Variants in ASAP1 observed in about 807,000 individuals in gnomAD.
ASAP1 encodes ArfGAP with SH3 domain, ankyrin repeat and PH domain 1.
Under a neutral mutation model 145.2 loss-of-function variants are expected in ASAP1, and 43 were observed. That is an observed-to-expected ratio of 0.30 (90% confidence interval 0.23 to 0.38). The LOEUF (loss-of-function observed/expected upper bound fraction) is 0.38. ASAP1 is among the 10% of genes least tolerant of loss of function. ASAP1 has a pLI of 1.00. For synonymous variants in ASAP1, 546 were observed against 515.5 expected (o/e 1.06, Z -0.80); for missense variants, 1,018 against 1,355.3 (o/e 0.75, Z 3.91).
chr8:130,091,503 C>T (rs35713491), intron 25 of ASAP1, among the ~76,000 whole-genome samples: 34,172 of 152,052 alleles, frequency 0.22, 4,168 homozygotes, highest in South Asian at 0.36. Context: ...GATAAGAGCC[C>T]GATCATGCAG....
chr8:130,235,273 T>C (rs1441917871), intron 4 of ASAP1, among the ~76,000 whole-genome samples: 1 of 152,136 alleles, frequency 6.6e-6, no homozygotes, highest in Non-Finnish European at 1.5e-5. Flanking sequence ...AAGGCTTCAG[T>C]GAACCTCCTT....
chr8:130,092,100 G>A lies in ASAP1; in HGVS notation c.2445C>T (p.Thr815=). The A allele has an allele frequency of 6.4e-7, 1 of 1,571,500 alleles. No individual in the cohort carries two copies. The highest frequency in any genetic ancestry group is 8.6e-7 in the Non-Finnish European group (1 of 1,164,744). The change falls in exon 25 of 30, where the codon ACC becomes ACT. Residue 815 remains threonine, a synonymous_variant. Coordinates refer to ENST00000518721, the MANE Select transcript of ASAP1 (RefSeq NM_018482.4). The part of the protein sequence containing the change: ...PPSTLPLSTQ[T]SSGSSTLSKK... Reference sequence around the variant, plus strand: ...TGGATAGGGTGGAGCTGCCACTAGAGGTCTGGGTGCTTAGAGGGAGTGTTG... The same window carrying A: ...TGGATAGGGTGGAGCTGCCACTAGAAGTCTGGGTGCTTAGAGGGAGTGTTG...
chr8:130,118,273 A>C lies in ASAP1; in HGVS notation c.1795-27T>G, dbSNP rs139173009. 7.3e-3 allele frequency: 11,722 copies of C among 1,606,440 alleles called. 74 individuals are homozygous for C. The highest frequency in any genetic ancestry group is 9.0e-3 in the Non-Finnish European group (10,536 of 1,173,738). ...TAAAAAGGGAAAGAAAAGTATAAGT[A>C]AGTCAATAATATGCTCTGCCAAGGG... On this transcript the variant is annotated intron_variant, in intron 19 of 29. Transcript: ENST00000518721.
chr8:130,322,512 T>A (rs894332269), intron 3 of ASAP1, among the ~76,000 whole-genome samples: 3 of 152,208 alleles, frequency 2.0e-5, no homozygotes, highest in African/African-American at 7.2e-5. Flanking sequence ...AGGCTGCAGA[T>A]GGCACATATA....
At chr8:130,214,858 A>C (rs1281597460) in intron 4 of ASAP1, among the ~76,000 whole-genome samples, 157 bp from the exon 5 acceptor site, 5 of 152,150 alleles carry the variant, frequency 3.3e-5, no homozygotes, top group Non-Finnish European at 7.3e-5. Flanking sequence ...GGAGTACACT[A>C]AATATTCTAA....
At chr8:130,352,772 G>A (rs1322748202) in intron 3 of ASAP1, among the ~76,000 whole-genome samples, 4 of 152,216 alleles carry the variant, frequency 2.6e-5, no homozygotes, top group Non-Finnish European at 4.4e-5. Flanking sequence ...GGGTTTGCAT[G>A]TAGTAGGAAT....
intron 3 of ASAP1, among the ~76,000 whole-genome samples, chr8:130,354,408 C>T (rs187421102): frequency 6.6e-6 from 1 of 152,284 alleles, no homozygotes; most frequent in Admixed American, 6.5e-5. Context: ...GCAGAACTTG[C>T]CTCCTTCATT....
At position 130,125,938 on chromosome 8, in the gene ASAP1, G is replaced by T. The variant is rs1304254564; in HGVS notation, c.1515+18C>A. 6 of 1,596,686 alleles carry T rather than the reference G, an allele frequency of 3.8e-6. No individual in the cohort carries two copies. The Admixed American group carries it at 1.1e-4, about 29-fold the overall frequency. ...ATGACAATAATATCATTCTTCCCAA[G>T]TACAGGTCACTACTTACCAAGAGTT... On this transcript the variant is annotated intron_variant, in intron 17 of 29. Transcript: ENST00000518721.
At chr8:130,065,138 C>T (rs1164371844) in intron 27 of ASAP1, among the ~76,000 whole-genome samples, 1 of 152,044 alleles carries the variant, frequency 6.6e-6, no homozygotes, top group Non-Finnish European at 1.5e-5. Context: ...CTTAGCCTCC[C>T]TAAGCGCTGG....
At chr8:130,136,692 T>C (rs28736405) in intron 14 of ASAP1, among the ~76,000 whole-genome samples, 18,599 of 152,166 alleles carry the variant, frequency 0.12, 1,270 homozygotes, top group Non-Finnish European at 0.15. Flanking sequence ...CAGTCAAGCA[T>C]TGGTTTAGTT....
At chr8:130,315,586 A>G (rs1244877485) in intron 3 of ASAP1, among the ~76,000 whole-genome samples, 2 of 152,210 alleles carry the variant, frequency 1.3e-5, no homozygotes, top group African/African-American at 4.8e-5. Context: ...GAGCCAAGAA[A>G]TAGACCACTT....
intron 1 of ASAP1, among the ~76,000 whole-genome samples, chr8:130,414,924 A>T (rs983669556): frequency 5.3e-5 from 8 of 152,080 alleles, no homozygotes; most frequent in African/African-American, 1.4e-4. Flanking sequence ...AGCCCAGCTA[A>T]TTTTTGTACT....
intron 5 of ASAP1, among the ~76,000 whole-genome samples, chr8:130,202,187 G>A (rs1815910604): frequency 1.3e-5 from 2 of 152,136 alleles, no homozygotes; most frequent in African/African-American, 4.8e-5. Context: ...AATGGTAACT[G>A]TGATAGGCAG....
intron 29 of ASAP1, 134 bp downstream of exon 29, chr8:130,057,820 G>A: frequency 1.7e-6 from 2 of 1,144,908 alleles, no homozygotes; most frequent in South Asian, 1.5e-5. Context: ...TGGCTGTTGG[G>A]TGAGTGATGC....
intron 3 of ASAP1, among the ~76,000 whole-genome samples, chr8:130,252,547 A>C (rs1199489071): frequency 6.6e-6 from 1 of 152,164 alleles, no homozygotes; most frequent in Non-Finnish European, 1.5e-5. Context: ...ACTCTCAGTA[A>C]TCTCCATGTT....
chr8:130,094,641 G>C (rs1285182271), intron 24 of ASAP1, among the ~76,000 whole-genome samples: 2 of 152,136 alleles, frequency 1.3e-5, no homozygotes, highest in Non-Finnish European at 2.9e-5. Context: ...CATGATTAAA[G>C]TCACAAGCCA....
At chr8:130,356,476 A>G (rs989122361) in intron 3 of ASAP1, among the ~76,000 whole-genome samples, 5 of 152,228 alleles carry the variant, frequency 3.3e-5, no homozygotes, top group African/African-American at 1.2e-4. Context: ...GATGGGGTTC[A>G]ATGCCTGGCA....
At chr8:130,411,894 G>T (rs1393570774) in intron 1 of ASAP1, among the ~76,000 whole-genome samples, 1 of 152,178 alleles carries the variant, frequency 6.6e-6, no homozygotes, top group Non-Finnish European at 1.5e-5. Context: ...TCACCTTCCA[G>T]GAGCAGCACC....
At chr8:130,112,781 C>T (rs1028916097) in intron 23 of ASAP1, among the ~76,000 whole-genome samples, 2 of 152,194 alleles carry the variant, frequency 1.3e-5, no homozygotes, top group Non-Finnish European at 2.9e-5. Context: ...AACGGATTCA[C>T]ACCCACTGCC....
Sources: gnomAD v4.1 joint callset for allele counts (sites outside exome capture counted in the v4.1 genomes callset) on GRCh38, gnomAD v4.1.1 for gene constraint, MANE v1.5 for transcripts, NCBI Gene and HGNC (gene_info 2026-07-23, HGNC 2026-07-21) for gene names.